SLC30A3: variants seen among roughly 807,000 people sequenced by gnomAD.
SLC30A3 encodes the protein probable proton-coupled zinc antiporter SLC30A3.
In SLC30A3, 20 loss-of-function variants were observed where a neutral mutation model predicts 35.6. The observed-to-expected ratio is 0.56, with a 90% CI of 0.39 to 0.82. The LOEUF (loss-of-function observed/expected upper bound fraction) is 0.82. Among genes scored for constraint, SLC30A3 ranks in the 40% least tolerant of loss-of-function variants. The pLI, the probability that SLC30A3 is intolerant of heterozygous loss-of-function variation, is 0.00. For missense variants in SLC30A3, 401 were observed against 530.6 expected, an observed-to-expected ratio of 0.76 and a Z score of 2.40; for synonymous variants, 217 against 224.7, an observed-to-expected ratio of 0.97 and a Z score of 0.31.
chr2:27,254,169 T>G lies in SLC30A3; in HGVS notation c.*1143A>C, dbSNP rs895272686. 6.6e-6 allele frequency: 1 copy of G among 152,224 alleles called. No individual in the cohort carries two copies. Among genetic ancestry groups the G allele is most frequent in the African/African-American group, 2.4e-5 (1 of 41,446 alleles). 9.4% of individuals were successfully genotyped at this position (152,224 alleles called of 1,614,324 possible). A position where few individuals can be genotyped will look rare whatever the true frequency, so the allele number is the denominator to read the frequency against. ...CTACCGCTGGACACCTTAGATGGCCTGAGAACCAAGCCCACATCAGTGCTA... is the reference window on the plus strand; with the variant it reads ...CTACCGCTGGACACCTTAGATGGCCGGAGAACCAAGCCCACATCAGTGCTA... On this transcript the variant is annotated 3_prime_UTR_variant, in exon 8 of 8. Transcript: ENST00000233535.
chr2:27,262,996 G>A lies in SLC30A3; in HGVS notation c.-90C>T, dbSNP rs1677302862. The A allele has an allele frequency of 2.1e-6, 3 of 1,419,414 alleles. No individual in the cohort carries two copies. Among genetic ancestry groups the A allele is most frequent in the Non-Finnish European group, 1.8e-6 (2 of 1,094,680 alleles). 87.9% of individuals were successfully genotyped at this position (1,419,414 alleles called of 1,614,324 possible). ...AAGTCCGAGCAGCCCGCCGACCCCC[G>A]GGATCCCCGCAGGGCGGCGGGGCCA... On this transcript the variant is annotated 5_prime_UTR_variant, in exon 1 of 8. Transcript: ENST00000233535. The surrounding 1 kb of genome is among the most constrained non-coding windows in gnomAD (Gnocchi z 7.5).
At chr2:27,260,942 T>C (rs2148130657) in intron 1 of SLC30A3, among the ~76,000 whole-genome samples, 1 of 152,304 alleles carries the variant, frequency 6.6e-6, no homozygotes, top group East Asian at 1.9e-4. Context: ...AAGCCTGGTC[T>C]GGTGGGAAAG....
rs982726383 is a variant in SLC30A3 at position 27,255,278 on chromosome 2, C to T, written c.*34G>A. 8.1e-6 allele frequency: 13 copies of T among 1,611,780 alleles called. No individual in the cohort carries two copies. The highest frequency in any genetic ancestry group is 1.3e-5 in the African/African-American group (1 of 75,008). ...ATGCTGAGAGTCTGGGGCTGAGCCT[C>T]GGCCTGGCAGTGGGGTGAGGGCAGG... On this transcript the variant is annotated 3_prime_UTR_variant, in exon 8 of 8. Coordinates refer to ENST00000233535, the MANE Select transcript of SLC30A3 (RefSeq NM_003459.5). The surrounding 1 kb of genome is among the most constrained non-coding windows in gnomAD (Gnocchi z 5.2).
At chr2:27,265,409 T>C (rs1169275426), upstream of SLC30A3, among the ~76,000 whole-genome samples, 2 of 152,236 alleles carry the variant, frequency 1.3e-5, no homozygotes, top group African/African-American at 4.8e-5. The surrounding 1 kb of genome is among the most constrained non-coding windows in gnomAD (Gnocchi z 5.9). Context: ...CAAAGAGCTA[T>C]CAAATGGCCC....
Position 27,257,992 on chromosome 2 carries a change from G to T in SLC30A3, c.491C>A (p.Ala164Asp). Residue 164 changes from alanine (A) to aspartate (D), a missense_variant, in exon 4 of 8, where the codon GCC (alanine) becomes GAC (aspartate). Transcript: ENST00000233535. The surrounding 1 kb of genome is among the most constrained non-coding windows in gnomAD (Gnocchi z 4.7). Reference protein sequence around the residue: ...WMVTGILLYLAFVRLLHSDYH... With the variant: ...WMVTGILLYLDFVRLLHSDYH... The stretch of plus-strand genomic sequence containing the variant: ...GTCGCTGTGCAGCAGGCGGACGAAG[G>T]CCAGGTACAGGAGGATGCCAGTGAC... 3 of 1,614,178 alleles carry T rather than the reference G, an allele frequency of 1.9e-6. No individual in the cohort carries two copies. Among genetic ancestry groups the T allele is most frequent in the Non-Finnish European group, 2.5e-6 (3 of 1,180,002 alleles).
chr2:27,257,251 A>G lies in SLC30A3; in HGVS notation c.680T>C (p.Leu227Pro). 1 of 1,614,034 alleles carries G rather than the reference A, an allele frequency of 6.2e-7. No homozygotes were observed. The highest frequency in any genetic ancestry group is 8.5e-7 in the Non-Finnish European group (1 of 1,179,948). The change falls in exon 5 of 8, where the codon CTG becomes CCG. Residue 227 changes from leucine to proline, a missense_variant. Physicochemically the swap from Leu to Pro is moderately conservative, Grantham distance 98. This residue lies in a region of SLC30A3 where 296 missense variants were observed against 392.6 expected (regional missense o/e 0.75). Coordinates refer to ENST00000233535, the MANE Select transcript of SLC30A3 (RefSeq NM_003459.5). The surrounding 1 kb of genome is among the most constrained non-coding windows in gnomAD (Gnocchi z 4.7). ...TGCCGCCCGGACGCTGGTGTTCCCC[A>G]GGGGCAGGGGCTCTTCAGGCCCCTC... ...LEEGPEEPLP[L>P]GNTSVRAAFV...
At chr2:27,263,460 C>A (rs1677335425), upstream of SLC30A3, 1 of 385,918 alleles carries the variant, frequency 2.6e-6, no homozygotes, top group Non-Finnish European at 5.4e-6. Flanking sequence ...GACCCATTAC[C>A]TATCTCCAGA....
rs1572469365 is a variant in SLC30A3, at chr2:27,257,127, G to A, written c.777+27C>T. Reference sequence around the variant, plus strand: ...CTGGGATGTGGTTGTGGGGAGGAAGGCTGGGGCAGGTCTCCAATGATGGTA... The same window carrying A: ...CTGGGATGTGGTTGTGGGGAGGAAGACTGGGGCAGGTCTCCAATGATGGTA... On this transcript the variant is annotated intron_variant, in intron 5 of 7. Transcript: ENST00000233535. This position sits in a 1 kb window ranked among gnomAD's most constrained non-coding sequence, Gnocchi z 4.7. The A allele has an allele frequency of 6.2e-7, 1 of 1,607,162 alleles. No homozygotes were observed. The highest frequency in any genetic ancestry group is 8.5e-7 in the Non-Finnish European group (1 of 1,173,872).
rs1004590480 is a variant in SLC30A3, at chr2:27,262,719, G to C, written c.95+93C>G. ...GAGGGACCCGCGGTGCGCTGGGGCG[G>C]CCGCCGGGGCCCGCGCCGAGAGAGA... On this transcript the variant is annotated intron_variant, in intron 1 of 7. Coordinates refer to ENST00000233535, the MANE Select transcript of SLC30A3 (RefSeq NM_003459.5). This position sits in a 1 kb window ranked among gnomAD's most constrained non-coding sequence, Gnocchi z 7.5. 37 of 1,273,380 alleles carry C rather than the reference G, an allele frequency of 2.9e-5. No individual in the cohort carries two copies. The highest frequency in any genetic ancestry group is 3.6e-5 in the Non-Finnish European group (35 of 964,678). The allele number at this position is 1,273,380 out of a possible 1,614,324, so 78.9% of individuals were successfully genotyped here.
At chr2:27,264,749 C>T (rs1457728306), upstream of SLC30A3, among the ~76,000 whole-genome samples, 1 of 152,246 alleles carries the variant, frequency 6.6e-6, no homozygotes, top group African/African-American at 2.4e-5. This position sits in a 1 kb window ranked among gnomAD's most constrained non-coding sequence, Gnocchi z 6.1. Context: ...ACTTGACGGA[C>T]CTCTGTTTCT....
rs745846382 is a variant in SLC30A3 at position 27,256,468 on chromosome 2, C to T, written c.936G>A (p.Val312=). 1.2e-6 allele frequency: 2 copies of T among 1,613,966 alleles called. No homozygotes were observed. Among genetic ancestry groups the T allele is most frequent in the Admixed American group, 1.7e-5 (1 of 59,998 alleles). Residue 312 remains valine, a synonymous_variant, in exon 7 of 8, where the codon GTG becomes GTA. Coordinates refer to ENST00000233535, the MANE Select transcript of SLC30A3 (RefSeq NM_003459.5). ...FEPVRDTLLS[V]PGVRATHELH... ...GCTCATGGGTTGCCCGGACTCCTGG[C>T]ACCGACAACAGCGTATCCCGCACAG...
intron 5 of SLC30A3, 25 bp from the exon 6 acceptor site, chr2:27,256,918 C>T (rs766036458): frequency 3.9e-6 from 6 of 1,533,418 alleles, no homozygotes; most frequent in African/African-American, 1.4e-5. Flanking sequence ...ACCCCTAAGC[C>T]CAACAACCAG....
At position 27,273,092 on chromosome 2, in the gene SLC30A3, AGTGTGTGT is replaced by A. The variant is rs58847409; in HGVS notation, c.-159+2077_-159+2084del. 7.5e-4 allele frequency among the ~76,000 whole-genome samples: 106 copies of A among 140,902 alleles called. 1 individual carries two copies. The highest frequency in any genetic ancestry group is 2.6e-3 in the African/African-American group (97 of 37,952). The allele number at this position is 140,902 out of a possible 152,430, so 92.4% of individuals were successfully genotyped here. A position where few individuals can be genotyped will look rare whatever the true frequency, so the allele number is the denominator to read the frequency against. On this transcript the variant is annotated intron_variant, in intron 1 of 5. Transcript: ENST00000424577. ...TGGATAGATATAGATACATATACACAGTGTGTGTGTGTGTGTGTGTGTGTGTGTGTATT... is the reference window on the plus strand; with the variant it reads ...TGGATAGATATAGATACATATACACAGTGTGTGTGTGTGTGTGTGTGTATT...
Position 27,258,590 on chromosome 2 carries a change from G to A in SLC30A3, c.277+163C>T. ...CTCGGCTGGAATTCCCTTTGTTGCTGTCCCTTATCCCTCCTACTTCCTGAG... is the reference window on the plus strand; with the variant it reads ...CTCGGCTGGAATTCCCTTTGTTGCTATCCCTTATCCCTCCTACTTCCTGAG... On this transcript the variant is annotated intron_variant, in intron 2 of 7. Coordinates refer to ENST00000233535, the MANE Select transcript of SLC30A3 (RefSeq NM_003459.5). The surrounding 1 kb of genome is among the most constrained non-coding windows in gnomAD (Gnocchi z 4.0). The A allele has an allele frequency of 1.3e-6, 1 of 781,462 alleles. No homozygotes were observed. The highest frequency in any genetic ancestry group is 2.0e-6 in the Non-Finnish European group (1 of 494,040). 48.4% of individuals were successfully genotyped at this position (781,462 alleles called of 1,614,324 possible).
chr2:27,261,050 A>G (rs1026376542), intron 1 of SLC30A3, among the ~76,000 whole-genome samples: 26 of 152,224 alleles, frequency 1.7e-4, no homozygotes, highest in Non-Finnish European at 3.2e-4. Context: ...GCACTCCCTC[A>G]CAGCGGGCTC....
intron 1 of SLC30A3, among the ~76,000 whole-genome samples, chr2:27,272,257 G>A (rs1321281604): frequency 6.6e-6 from 1 of 152,144 alleles, no homozygotes; most frequent in Non-Finnish European, 1.5e-5. Flanking sequence ...ACCATATGAG[G>A]GAAGATGGGC....
exon 1 of SLC30A3, chr2:27,275,292 G>C: frequency 9.0e-7 from 1 of 1,112,498 alleles, no homozygotes; most frequent in South Asian, 1.3e-5. Flanking sequence ...CCTGCCCCAA[G>C]GCCTGGCAGC....
In SLC30A3 at chr2:27,258,845, G is replaced by A. The variant is rs529940740; in HGVS notation, c.185C>T (p.Pro62Leu). 10 of 1,614,182 alleles carry A rather than the reference G, an allele frequency of 6.2e-6. No homozygotes were observed. The highest frequency in any genetic ancestry group is 5.0e-5 in the Admixed American group (3 of 60,012). ...FHHCHRDPLP[P>L]PGLTPERLHA... is the part of the protein sequence containing the mutation. ...CAGCCTCTCAGGGGTAAGGCCCGGC[G>A]GCGGAAGGGGGTCCCTGTGGCAGTG... The change falls in exon 2 of 8, where the codon CCG (proline) becomes CTG (leucine). Residue 62 changes from proline to leucine, a missense_variant. Around this residue, in one of 3 missense-constraint regions of SLC30A3, gnomAD observed 103 missense variants for 120.7 expected, o/e 0.85. Transcript: ENST00000233535. The surrounding 1 kb of genome is among the most constrained non-coding windows in gnomAD (Gnocchi z 4.0).
intron 1 of SLC30A3, among the ~76,000 whole-genome samples, chr2:27,269,966 A>T (rs546712889): frequency 6.6e-6 from 1 of 152,360 alleles, no homozygotes; most frequent in East Asian, 1.9e-4. Flanking sequence ...AGATGTAGGA[A>T]GAGAACCAGA....
Sources: gnomAD v4.1 joint callset for allele counts (sites outside exome capture counted in the v4.1 genomes callset) on GRCh38, gnomAD v4.1.1 for gene constraint, gnomAD v4.1.1 regional missense constraint, Gnocchi (gnomAD v3.1) non-coding constraint, MANE v1.5 for transcripts, NCBI Gene and HGNC (gene_info 2026-07-23, HGNC 2026-07-21) for gene names.